The following RMDN1 variants were observed in gnomAD, a reference collection of about 807,000 sequenced individuals.
RMDN1 encodes regulator of microtubule dynamics 1.
RMDN1 carries 48 observed loss-of-function variants against 48.9 expected under a neutral mutation model. The ratio of observed to expected loss-of-function variants is 0.98; its 90% confidence interval spans 0.78 to 1.25. The LOEUF (loss-of-function observed/expected upper bound fraction) is 1.25, where lower values mean the gene tolerates loss of function less well. RMDN1 is among the 50% of genes most tolerant of loss of function. The pLI is 0.00. For missense variants in RMDN1, 418 were observed against 373.4 expected, an observed-to-expected ratio of 1.12 and a Z score of -0.98; for synonymous variants, 148 against 132.6, an observed-to-expected ratio of 1.12 and a Z score of -0.80.
chr8:86,505,403 G>GT, intron 2 of RMDN1: 1 of 456,356 alleles, frequency 2.2e-6, no homozygotes, highest in South Asian at 1.5e-5. Context: ...GAGAGGAAAA[G>GT]TAAGGCGCAG....
upstream of RMDN1, among the ~76,000 whole-genome samples, chr8:86,511,164 T>TA (rs35599327): frequency 9.0e-5 from 13 of 144,602 alleles, no homozygotes; most frequent in East Asian, 2.0e-4. Context: ...ACACCGTCTT[T>TA]AAAAAAAAAA....
chr8:86,508,214 T>C (rs141024345), intron 1 of RMDN1: 103 of 398,744 alleles, frequency 2.6e-4, no homozygotes, highest in African/African-American at 1.7e-3. Context: ...TTCTTTCCCG[T>C]CCTGTTTTAC....
At chr8:86,509,040 A>G (rs1022484596), upstream of RMDN1, among the ~76,000 whole-genome samples, 2 of 152,204 alleles carry the variant, frequency 1.3e-5, no homozygotes, top group African/African-American at 2.4e-5. Flanking sequence ...TGCTGCCTTC[A>G]AAAGTAGATT....
downstream of RMDN1, among the ~76,000 whole-genome samples, chr8:86,471,710 A>G (rs1245741818): frequency 1.3e-5 from 2 of 152,246 alleles, no homozygotes; most frequent in Admixed American, 6.5e-5. Flanking sequence ...AAAAAGGCTA[A>G]AAGAAAAATC....
Position 86,507,074 on chromosome 8 carries a change from T to G in RMDN1, c.168A>C (p.Leu56Phe), listed in dbSNP as rs564935319. The G allele has an allele frequency of 1.1e-5, 18 of 1,612,272 alleles. No homozygotes were observed. In the East Asian group the frequency reaches 3.8e-4, roughly 34 times the overall value. ...AACCCAAATACGACAAAGCTGAGAGTAAAAGGCCTCTTTTGAAAGTTCCTG... is the reference window on the plus strand; with the variant it reads ...AACCCAAATACGACAAAGCTGAGAGGAAAAGGCCTCTTTTGAAAGTTCCTG... ...GNPGTFKRGL[L>F]LSALSYLGFE... Residue 56 changes from leucine to phenylalanine, a missense_variant, in exon 2 of 10, where the codon TTA becomes TTC. Transcript: ENST00000406452.
intron 4 of RMDN1, among the ~76,000 whole-genome samples, chr8:86,485,885 G>A (rs955617547): frequency 3.9e-5 from 6 of 152,114 alleles, no homozygotes; most frequent in Non-Finnish European, 5.9e-5. Flanking sequence ...ATGAAGCCTC[G>A]GAGCAATCAA....
intron 5 of RMDN1, chr8:86,481,983 A>G: frequency 1.2e-6 from 1 of 861,810 alleles, no homozygotes; most frequent in Non-Finnish European, 1.9e-6. Context: ...CACATGTGGA[A>G]ATGGTGTCCA....
In RMDN1 at chr8:86,478,863, T is replaced by C. The variant is rs907214164; in HGVS notation, c.729+60A>G. On this transcript the variant is annotated intron_variant, in intron 7 of 9. Transcript: ENST00000406452. ...TCAGAGCTCCACATGTGTGAACACA[T>C]GGTAGAATGGCGCTGTGGTTAAGAA... The C allele has an allele frequency of 3.0e-5, 39 of 1,313,076 alleles. 1 individual carries two copies. Among genetic ancestry groups the C allele is most frequent in the Admixed American group, 1.9e-4 (11 of 59,058 alleles). 81.3% of individuals were successfully genotyped at this position (1,313,076 alleles called of 1,614,324 possible).
chr8:86,495,184 G>A (rs183233783), intron 2 of RMDN1, among the ~76,000 whole-genome samples: 10 of 152,160 alleles, frequency 6.6e-5, no homozygotes, highest in African/African-American at 2.2e-4. Flanking sequence ...CACAGACCCT[G>A]AATCTGAAAA....
At chr8:86,511,310 T>C (rs1237010116), upstream of RMDN1, among the ~76,000 whole-genome samples, 1 of 150,502 alleles carries the variant, frequency 6.6e-6, no homozygotes, top group African/African-American at 2.5e-5. Context: ...CCGTCTCTAC[T>C]AAAAATACAA....
At chr8:86,504,997 G>T in intron 2 of RMDN1, 1 of 1,469,562 alleles carries the variant, frequency 6.8e-7, no homozygotes, top group Non-Finnish European at 9.4e-7. Context: ...GGTGCAGATA[G>T]ATCTGGGAAG....
At chr8:86,482,828 G>A (rs1377307411) in intron 5 of RMDN1, 5 of 1,090,042 alleles carry the variant, frequency 4.6e-6, no homozygotes, top group Non-Finnish European at 7.1e-6. Context: ...CCATCCTTTG[G>A]GGAGGTCACT....
intron 2 of RMDN1, among the ~76,000 whole-genome samples, chr8:86,489,037 A>C (rs1815992326): frequency 6.6e-6 from 1 of 152,052 alleles, no homozygotes; most frequent in Admixed American, 6.6e-5. Context: ...CATGTGGCCT[A>C]GGGGCCGCAG....
intron 2 of RMDN1, chr8:86,503,820 G>A (rs1028973088): frequency 1.8e-5 from 10 of 545,878 alleles, no homozygotes; most frequent in South Asian, 1.2e-4. Flanking sequence ...TTTTCCGTTA[G>A]ACTCTTTATC....
At chr8:86,509,283 T>TA (rs1173990824), upstream of RMDN1, among the ~76,000 whole-genome samples, 1 of 152,078 alleles carries the variant, frequency 6.6e-6, no homozygotes, top group African/African-American at 2.4e-5. Context: ...GCATGTGTAG[T>TA]AAAAAACAGA....
At position 86,484,887 on chromosome 8, in the gene RMDN1, G is replaced by C. The variant is rs769567276; in HGVS notation, c.570C>G (p.Ile190Met). ...TCATCAGTACCTCAAAATGCTCCTT[G>C]ATGATATATGCATTTGCAATTTTAG... ...IKAKIANAYI[I>M]KEHFEKAIEL... The change falls in exon 5 of 10, where the codon ATC becomes ATG. Residue 190 changes from isoleucine to methionine, a missense_variant. By Grantham distance (10) the Ile-to-Met change is conservative. Transcript: ENST00000406452. The C allele has an allele frequency of 3.8e-6, 6 of 1,591,694 alleles. No homozygotes were observed. The East Asian group carries it at 9.0e-5, about 24-fold the overall frequency.
chr8:86,494,004 C>T (rs1816920956), intron 2 of RMDN1, among the ~76,000 whole-genome samples: 1 of 152,088 alleles, frequency 6.6e-6, no homozygotes, highest in Non-Finnish European at 1.5e-5. Context: ...AAAAGTCAAA[C>T]TCACATAGGT....
upstream of RMDN1, chr8:86,508,718 G>T (rs1368930849): frequency 7.5e-7 from 1 of 1,330,592 alleles, no homozygotes; most frequent in Non-Finnish European, 9.6e-7. Context: ...AACCGCGCCC[G>T]CCCGCCTCCT....
intron 2 of RMDN1, among the ~76,000 whole-genome samples, chr8:86,495,334 A>T (rs1007698119): frequency 1.3e-5 from 2 of 152,160 alleles, no homozygotes; most frequent in African/African-American, 4.8e-5. Context: ...TCCTAGCTGC[A>T]GGAGACCCTA....
Sources: gnomAD v4.1 joint callset for allele counts (sites outside exome capture counted in the v4.1 genomes callset) on GRCh38, gnomAD v4.1.1 for gene constraint, MANE v1.5 for transcripts, NCBI Gene and HGNC (gene_info 2026-07-23, HGNC 2026-07-21) for gene names.